The following SIPA1L2 variants were observed in gnomAD, a reference collection of about 807,000 sequenced individuals.
The protein encoded by SIPA1L2 is signal-induced proliferation-associated 1-like protein 2.
SIPA1L2 carries 56 observed loss-of-function variants against 163.9 expected under a neutral mutation model. That is an observed-to-expected ratio of 0.34 (90% CI 0.28 to 0.43). SIPA1L2 has a LOEUF of 0.43. Ranked by LOEUF, SIPA1L2 falls within the 20% of genes least tolerant of loss-of-function variation. The probability of loss-of-function intolerance (pLI) is 1.00; values close to 1 mark genes in which losing one functional copy is unlikely to be tolerated. For missense variants in SIPA1L2, 1,974 were observed against 2,193.5 expected (o/e 0.90, Z 2.00); for synonymous variants, 877 against 865.7 (o/e 1.01, Z -0.23).
rs189341561 is a variant in SIPA1L2 at position 232,623,402 on chromosome 1, G to A, written c.-319+6467C>T. Reference sequence around the variant, plus strand: ...GGGCAGATCACGAGGTCAGGAGATCGAGACCATCCTGGCTAACATGGTGAA... The same window carrying A: ...GGGCAGATCACGAGGTCAGGAGATCAAGACCATCCTGGCTAACATGGTGAA... On this transcript the variant is annotated intron_variant, in intron 1 of 22. Transcript: ENST00000674635. Among the ~76,000 whole-genome samples the A allele has an allele frequency of 3.9e-5, 6 of 152,182 alleles. No homozygotes were observed. The East Asian group carries it at 5.8e-4, about 15-fold the overall frequency.
At chr1:232,480,951 C>G (rs1275707871) in intron 6 of SIPA1L2, among the ~76,000 whole-genome samples, 1 of 152,056 alleles carries the variant, frequency 6.6e-6, no homozygotes, top group African/African-American at 2.4e-5. Context: ...CCTGAAAACT[C>G]TTTAGAAAAA....
chr1:232,495,285 C>T (rs544712527), intron 3 of SIPA1L2, among the ~76,000 whole-genome samples: 6 of 152,114 alleles, frequency 3.9e-5, no homozygotes, highest in South Asian at 4.2e-4. Flanking sequence ...AGGTGGGGGC[C>T]GGGCACGGTG....
At position 232,465,293 on chromosome 1, in the gene SIPA1L2, A is replaced by G. The variant is rs1664449033; in HGVS notation, c.2367T>C (p.Asn789=). 1 of 1,614,036 alleles carries G rather than the reference A, an allele frequency of 6.2e-7. No homozygotes were observed. Among genetic ancestry groups the G allele is most frequent in the African/African-American group, 1.3e-5 (1 of 75,004 alleles). The change falls in exon 9 of 23, where the codon AAT becomes AAC. Residue 789 remains asparagine, a synonymous_variant. Transcript: ENST00000674635. This position sits in a 1 kb window ranked among gnomAD's most constrained non-coding sequence, Gnocchi z 4.1. The stretch of plus-strand genomic sequence containing the variant: ...GAAACTTTTCTGATTTATGGGCTGC[A>G]TTTTCTGCATTGATTACTTTGGCTA... ...FLLAKVINAE[N]AAHKSEKFRA... is the part of the protein sequence containing the mutation.
intron 7 of SIPA1L2, among the ~76,000 whole-genome samples, chr1:232,479,151 T>C (rs1304148250): frequency 6.6e-6 from 1 of 152,228 alleles, no homozygotes; most frequent in African/African-American, 2.4e-5. Flanking sequence ...CAAAGCATGA[T>C]GCACTCTGAT....
rs202226489 is a variant in SIPA1L2 at position 232,465,487 on chromosome 1, CAT to C, written c.2244-73_2244-72del. 8.0e-4 allele frequency: 939 copies of C among 1,171,916 alleles called. 9 individuals carry two copies. The highest frequency in any genetic ancestry group is 1.0e-3 in the Non-Finnish European group (847 of 819,202). The allele number at this position is 1,171,916 out of a possible 1,614,324, so 72.6% of individuals were successfully genotyped here. On this transcript the variant is annotated intron_variant, in intron 8 of 22. Transcript: ENST00000674635. The surrounding 1 kb of genome is among the most constrained non-coding windows in gnomAD (Gnocchi z 4.1). Reference sequence around the variant, plus strand: ...ATAATATGTATCTTTCCGAATTTGACATATATATACACACACACACACATATA... The same window carrying C: ...ATAATATGTATCTTTCCGAATTTGACATATATACACACACACACACATATA...
At chr1:232,456,666 T>C (rs1379301276) in intron 10 of SIPA1L2, among the ~76,000 whole-genome samples, 1 of 152,210 alleles carries the variant, frequency 6.6e-6, no homozygotes, top group Non-Finnish European at 1.5e-5. Context: ...ATGACACTGA[T>C]AGAATGTCAG....
At chr1:232,530,281 T>G (rs143488433) in intron 2 of SIPA1L2, among the ~76,000 whole-genome samples, 2,324 of 152,068 alleles carry the variant, frequency 0.015, 58 homozygotes, top group African/African-American at 0.052. Flanking sequence ...GCCCGGCTAA[T>G]TTTTTTGTAT....
chr1:232,551,270 A>G (rs1308639671), intron 2 of SIPA1L2, among the ~76,000 whole-genome samples: 4 of 152,188 alleles, frequency 2.6e-5, no homozygotes, highest in Non-Finnish European at 4.4e-5. Flanking sequence ...CCCTAAAATC[A>G]GTTGTTTTTA....
At chr1:232,576,130 C>A (rs184601771) in intron 1 of SIPA1L2, among the ~76,000 whole-genome samples, 79 of 152,290 alleles carry the variant, frequency 5.2e-4, no homozygotes, top group African/African-American at 7.0e-4. Flanking sequence ...CATCAGTGGA[C>A]GTCTAGTACC....
At chr1:232,513,254 GT>G (rs1015998626) in intron 3 of SIPA1L2, among the ~76,000 whole-genome samples, 26 of 152,254 alleles carry the variant, frequency 1.7e-4, no homozygotes, top group African/African-American at 6.3e-4. Context: ...GAAGATATAC[GT>G]AAAGCAAAAA....
chr1:232,420,834 C>CA (rs142144068), intron 18 of SIPA1L2, among the ~76,000 whole-genome samples: 5,383 of 150,948 alleles, frequency 0.036, 313 homozygotes, highest in African/African-American at 0.12. Context: ...GACTCCGTCT[C>CA]AAAAAAAAAG....
intron 14 of SIPA1L2, 126 bp from the exon 15 acceptor site, chr1:232,439,622 G>T: frequency 9.3e-7 from 1 of 1,076,666 alleles, no homozygotes; most frequent in Non-Finnish European, 1.3e-6. Flanking sequence ...CTTCAATGTG[G>T]GCAATGACAG....
intron 1 of SIPA1L2, among the ~76,000 whole-genome samples, chr1:232,606,486 C>T (rs1347123586): frequency 6.6e-6 from 1 of 152,020 alleles, no homozygotes; most frequent in Non-Finnish European, 1.5e-5. Flanking sequence ...ATGCCAAAAT[C>T]TCTAACTTAA....
rs768558673 is a variant in SIPA1L2, at chr1:232,487,769, AG to A, written c.1806+3104del. ...TTCTCAAAACATCTAACCAAACTGA[AG>A]GAACAGAAGGAATGATCTAAACACC... is the stretch of plus-strand genomic sequence containing the variant. On this transcript the variant is annotated intron_variant, in intron 5 of 22. Coordinates refer to ENST00000674635, the MANE Select transcript of SIPA1L2 (RefSeq NM_020808.5). Among the ~76,000 whole-genome samples the A allele has an allele frequency of 9.9e-5, 15 of 152,248 alleles. No individual in the cohort carries two copies. In the East Asian group the frequency reaches 2.5e-3, roughly 25 times the overall value.
intron 11 of SIPA1L2, among the ~76,000 whole-genome samples, chr1:232,445,129 G>T (rs2102872165): frequency 6.6e-6 from 1 of 152,316 alleles, no homozygotes; most frequent in South Asian, 2.1e-4. Flanking sequence ...ACCTCTTAAA[G>T]TATTACTCAC....
intron 2 of SIPA1L2, among the ~76,000 whole-genome samples, chr1:232,563,148 T>C (rs1372125145): frequency 6.6e-6 from 1 of 152,192 alleles, no homozygotes; most frequent in Non-Finnish European, 1.5e-5. Flanking sequence ...AAACCTATTG[T>C]GTGGTGTAGT....
intron 1 of SIPA1L2, among the ~76,000 whole-genome samples, chr1:232,627,800 A>G (rs1286711848): frequency 6.6e-6 from 1 of 152,200 alleles, no homozygotes; most frequent in African/African-American, 2.4e-5. Context: ...GCTTTTCCGG[A>G]TCAAGTGCTT....
chr1:232,506,101 C>T (rs1358396640), intron 3 of SIPA1L2, among the ~76,000 whole-genome samples: 4 of 152,144 alleles, frequency 2.6e-5, no homozygotes, highest in African/African-American at 9.7e-5. Context: ...TGGACTTCAC[C>T]AGACACCTTT....
chr1:232,569,337 T>C (rs1194054397), intron 2 of SIPA1L2, among the ~76,000 whole-genome samples: 2 of 151,996 alleles, frequency 1.3e-5, no homozygotes, highest in Non-Finnish European at 2.9e-5. Context: ...AACACCCGAG[T>C]GAAGGATCAA....
Sources: gnomAD v4.1 joint callset for allele counts (sites outside exome capture counted in the v4.1 genomes callset) on GRCh38, gnomAD v4.1.1 for gene constraint, Gnocchi (gnomAD v3.1) non-coding constraint, MANE v1.5 for transcripts, NCBI Gene and HGNC (gene_info 2026-07-23, HGNC 2026-07-21) for gene names.